The following FAM193A variants were observed in gnomAD, a reference collection of about 807,000 sequenced individuals.
FAM193A encodes family with sequence similarity 193 member A.
A neutral mutation model predicts 126.5 loss-of-function variants in FAM193A; 22 were observed. The observed-to-expected ratio is 0.17, with a 90% CI of 0.12 to 0.25. FAM193A has a LOEUF of 0.25. FAM193A is among the 10% of genes least tolerant of loss of function. The probability of loss-of-function intolerance (pLI) is 1.00; values close to 1 mark genes in which losing one functional copy is unlikely to be tolerated. For missense variants in FAM193A, 1,675 were observed against 1,672.8 expected (o/e 1.00, Z -0.02); for synonymous variants, 761 against 646.8 (o/e 1.18, Z -2.68).
At chr4:2,584,607 C>G (rs972672134) in intron 1 of FAM193A, among the ~76,000 whole-genome samples, 2 of 152,116 alleles carry the variant, frequency 1.3e-5, no homozygotes, top group African/African-American at 4.8e-5. Flanking sequence ...TACTCGATTA[C>G]AGTTTCCTTT....
intron 7 of FAM193A, among the ~76,000 whole-genome samples, chr4:2,647,625 A>G (rs1745280865): frequency 6.6e-6 from 1 of 152,080 alleles, no homozygotes; most frequent in Non-Finnish European, 1.5e-5. Context: ...AAGGGAGGGC[A>G]CTCAGGCAGC....
chr4:2,541,477 C>T lies in FAM193A; in HGVS notation c.255+4307C>T, dbSNP rs377750679. On this transcript the variant is annotated intron_variant, in intron 1 of 20. Coordinates refer to ENST00000637812, the MANE Select transcript of FAM193A (RefSeq NM_001366318.2). ...TTTTTTTTTTTTTGAGACAGAGTCT[C>T]GCTCTGTCACCAGGCTGGAGAGCAG... Among the ~76,000 whole-genome samples the T allele has an allele frequency of 2.1e-4, 30 of 142,342 alleles. No homozygotes were observed. The East Asian group carries it at 2.9e-3, about 14-fold the overall frequency. 93.4% of individuals were successfully genotyped at this position (142,342 alleles called of 152,430 possible).
Position 2,700,056 on chromosome 4 carries a change from A to T in FAM193A, c.3884A>T (p.Asp1295Val). The change falls in exon 19 of 21, where the codon GAT (aspartate) becomes GTT (valine). Residue 1295 changes from aspartate to valine, a missense_variant. Physicochemically the swap from Asp to Val is radical, Grantham distance 152 (BLOSUM62 -3). This residue lies in a region of FAM193A where 415 missense variants were observed against 396.7 expected (regional missense o/e 1.05). Coordinates refer to ENST00000637812, the MANE Select transcript of FAM193A (RefSeq NM_001366318.2). ...EPRPGLGADGDAADPVDTRDS... is the reference protein window; with the variant it reads ...EPRPGLGADGVAADPVDTRDS... ...AGGCCAGGGCTAGGGGCTGATGGGG[A>T]TGCTGCAGACCCCGTCGACACCAGA... 1 of 1,613,924 alleles carries T rather than the reference A, an allele frequency of 6.2e-7. No individual in the cohort carries two copies. The highest frequency in any genetic ancestry group is 8.5e-7 in the Non-Finnish European group (1 of 1,179,974).
At chr4:2,610,258 G>A (rs1463299058) in intron 2 of FAM193A, among the ~76,000 whole-genome samples, 1 of 151,876 alleles carries the variant, frequency 6.6e-6, no homozygotes, top group African/African-American at 2.4e-5. Context: ...AAAAAAACTC[G>A]CTAGTATTTG....
At chr4:2,730,692 G>GAA (rs370359383) in intron 20 of FAM193A, among the ~76,000 whole-genome samples, 3 of 133,030 alleles carry the variant, frequency 2.3e-5, no homozygotes, top group South Asian at 4.9e-4. Flanking sequence ...TCCGTGTCAA[G>GAA]AAAAAAAAAA....
chr4:2,631,258 C>T (rs1743551922), intron 5 of FAM193A, 89 bp downstream of exon 5: 2 of 1,252,748 alleles, frequency 1.6e-6, no homozygotes, highest in Non-Finnish European at 2.2e-6. Flanking sequence ...TGTGTGCCGA[C>T]CTCGCTGTCA....
intron 20 of FAM193A, among the ~76,000 whole-genome samples, chr4:2,723,056 G>A (rs988746412): frequency 3.2e-4 from 48 of 152,152 alleles, no homozygotes; most frequent in African/African-American, 9.2e-4. Context: ...GGAGGATCAC[G>A]AGGTCAGGAG....
In FAM193A at chr4:2,700,319, A is replaced by G. The variant is rs1266785669; in HGVS notation, c.4147A>G (p.Ile1383Val). 6 of 1,613,954 alleles carry G rather than the reference A, an allele frequency of 3.7e-6. No homozygotes were observed. The South Asian group carries it at 4.4e-5, about 12-fold the overall frequency. ...SKAKVVDLMS[I>V]TEQKREERKV... ...GGCTAAGGTGGTCGACCTCATGTCC[A>G]TCACAGAGCAGAAAAGAGAGGAGAG... Residue 1383 changes from isoleucine to valine, a missense_variant, in exon 19 of 21, where the codon ATC becomes GTC. By Grantham distance (29) the Ile-to-Val change is conservative. Coordinates refer to ENST00000637812, the MANE Select transcript of FAM193A (RefSeq NM_001366318.2).
chr4:2,659,829 G>T lies in FAM193A; in HGVS notation c.1520G>T (p.Cys507Phe). 1 of 1,614,134 alleles carries T rather than the reference G, an allele frequency of 6.2e-7. No homozygotes were observed. The highest frequency in any genetic ancestry group is 1.3e-5 in the African/African-American group (1 of 75,022). ...NYRRRCACDD[C>F]SLSHILTCGI... The stretch of plus-strand genomic sequence containing the variant: ...CTGATCAGATGTGCTTGCGATGACT[G>T]CAGTCTCTCACACATCCTCACGTGT... Residue 507 changes from cysteine (C) to phenylalanine (F), a missense_variant, in exon 10 of 21, where the codon TGC becomes TTC. Physicochemically the swap from Cys to Phe is radical, Grantham distance 205. Coordinates refer to ENST00000637812, the MANE Select transcript of FAM193A (RefSeq NM_001366318.2).
intron 1 of FAM193A, among the ~76,000 whole-genome samples, chr4:2,567,232 G>A (rs1739022745): frequency 7.0e-6 from 1 of 143,072 alleles, no homozygotes; most frequent in South Asian, 2.1e-4. Context: ...ACAGGCGTGA[G>A]CCACCACGCC....
At position 2,538,897 on chromosome 4, in the gene FAM193A, TTA is replaced by T. The variant is rs1313225922; in HGVS notation, c.255+1729_255+1730del. On this transcript the variant is annotated intron_variant, in intron 1 of 20. Coordinates refer to ENST00000637812, the MANE Select transcript of FAM193A (RefSeq NM_001366318.2). Reference sequence around the variant, plus strand: ...TAAAATATAACTTTATTATTTTTATTTATTTTTTTTTGAGACAGAGTCTCACT... The same window carrying T: ...TAAAATATAACTTTATTATTTTTATTTTTTTTTTTGAGACAGAGTCTCACT... 3.3e-5 allele frequency among the ~76,000 whole-genome samples: 5 copies of T among 151,038 alleles called. No individual in the cohort carries two copies. The South Asian group carries it at 1.0e-3, about 31-fold the overall frequency.
At chr4:2,700,620 C>T (rs1346354199) in intron 19 of FAM193A, 76 bp downstream of exon 19, 3 of 1,530,090 alleles carry the variant, frequency 2.0e-6, no homozygotes, top group South Asian at 1.3e-5. Flanking sequence ...TATAGGAAAA[C>T]ACTGGGTTTG....
At chr4:2,594,385 G>A (rs1450733580) in intron 1 of FAM193A, among the ~76,000 whole-genome samples, 6 of 152,210 alleles carry the variant, frequency 3.9e-5, no homozygotes, top group African/African-American at 1.4e-4. Flanking sequence ...AAGAGCTACA[G>A]GTCTAGCCGG....
chr4:2,598,105 A>C (rs538221968), intron 2 of FAM193A, among the ~76,000 whole-genome samples: 1 of 152,130 alleles, frequency 6.6e-6, no homozygotes, highest in East Asian at 1.9e-4. Context: ...GGGTTTCACC[A>C]TGTTGGCCAT....
rs115863961 is a variant in FAM193A at position 2,597,882 on chromosome 4, G to A, written c.501+1553G>A. On this transcript the variant is annotated intron_variant, in intron 2 of 20. Transcript: ENST00000637812. ...CCTTGGTAGTCACTTCCCTTCCCCC[G>A]TCCTAGCCTCTGGTAACCACTCACC... 4.5e-3 allele frequency among the ~76,000 whole-genome samples: 685 copies of A among 151,774 alleles called. 1 individual carries two copies. The highest frequency in any genetic ancestry group is 0.015 in the African/African-American group (636 of 41,382).
At chr4:2,568,625 T>C (rs1365328518) in intron 1 of FAM193A, among the ~76,000 whole-genome samples, 2 of 152,248 alleles carry the variant, frequency 1.3e-5, no homozygotes, top group African/African-American at 4.8e-5. Context: ...AAATGTACAT[T>C]CTAAGCCAGC....
chr4:2,566,036 A>G (rs1738921692), intron 1 of FAM193A, among the ~76,000 whole-genome samples: 1 of 151,986 alleles, frequency 6.6e-6, no homozygotes, highest in Admixed American at 6.6e-5. Context: ...CATTTTAACA[A>G]TGAGTGGAAA....
At chr4:2,690,224 C>G (rs2109261310) in intron 14 of FAM193A, among the ~76,000 whole-genome samples, 1 of 152,354 alleles carries the variant, frequency 6.6e-6, no homozygotes, top group South Asian at 2.1e-4. Context: ...GTCACAGGGT[C>G]AGGGGCACCT....
Position 2,662,994 on chromosome 4 carries a change from A to G in FAM193A, c.1899+3A>G. On this transcript the variant is annotated splice_donor_region_variant and intron_variant, in intron 11 of 20. Coordinates refer to ENST00000637812, the MANE Select transcript of FAM193A (RefSeq NM_001366318.2). ...AAAACATGGCCCTGAAGGATGAGGT[A>G]TGGACATGGCTTCTTCGTAGCAACA... is the stretch of plus-strand genomic sequence containing the variant. 6.2e-7 allele frequency: 1 copy of G among 1,608,622 alleles called. No individual in the cohort carries two copies. Among genetic ancestry groups the G allele is most frequent in the Non-Finnish European group, 8.5e-7 (1 of 1,175,116 alleles).
Sources: allele counts gnomAD v4.1 joint callset (sites outside exome capture counted in the v4.1 genomes callset), GRCh38; gene constraint gnomAD v4.1.1; regional missense constraint gnomAD v4.1.1; transcripts MANE v1.5; gene names NCBI Gene and HGNC (gene_info 2026-07-23, HGNC 2026-07-21).